Variants in SHANK2 observed in about 807,000 individuals in gnomAD.
The protein encoded by SHANK2 is SH3 and multiple ankyrin repeat domains 2.
A neutral mutation model predicts 133.7 loss-of-function variants in SHANK2; 43 were observed. The observed-to-expected ratio is 0.32, with a 90% CI of 0.25 to 0.41. The LOEUF (loss-of-function observed/expected upper bound fraction) is 0.41. SHANK2 is among the 10% of genes least tolerant of loss of function. The pLI is 1.00. For missense variants in SHANK2, 1,994 were observed against 2,235.8 expected (o/e 0.89, Z 2.18); for synonymous variants, 1,017 against 952.8 (o/e 1.07, Z -1.24).
intron 2 of SHANK2, among the ~76,000 whole-genome samples, chr11:71,183,220 T>G (rs374595289): frequency 5.6e-4 from 85 of 152,176 alleles, no homozygotes; most frequent in African/African-American, 2.0e-3. Flanking sequence ...AGGTAGCAAA[T>G]GTTCTCGTCC....
chr11:71,110,082 T>C, intron 5 of SHANK2, 33 bp from the exon 6 acceptor site: 1 of 1,442,770 alleles, frequency 6.9e-7, no homozygotes, highest in Non-Finnish European at 9.5e-7. Flanking sequence ...TGAAACATCT[T>C]TATAAGAAAT....
intron 10 of SHANK2, among the ~76,000 whole-genome samples, chr11:70,939,633 C>T (rs999190099): frequency 1.3e-5 from 2 of 152,122 alleles, no homozygotes; most frequent in Non-Finnish European, 2.9e-5. Context: ...GATTTGCTGA[C>T]CTGGGCCCTC....
rs782571628 is a variant in SHANK2, at chr11:70,830,616, C to T, written c.1175-9934G>A. 5.9e-5 allele frequency among the ~76,000 whole-genome samples: 9 copies of T among 152,186 alleles called. No individual in the cohort carries two copies. Among genetic ancestry groups the T allele is most frequent in the Admixed American group, 1.3e-4 (2 of 15,276 alleles). The stretch of plus-strand genomic sequence containing the variant: ...CTAAAACAAGTATTCCGAGGATGAC[C>T]GAGCGCTAGTGGTTGAGATGAAAAT... On this transcript the variant is annotated intron_variant, in intron 11 of 25. Transcript: ENST00000601538. This position sits in a 1 kb window ranked among gnomAD's most constrained non-coding sequence, Gnocchi z 4.4.
chr11:70,892,770 G>C (rs1345105700), intron 11 of SHANK2, among the ~76,000 whole-genome samples: 19 of 152,210 alleles, frequency 1.2e-4, no homozygotes, highest in East Asian at 7.7e-4. Context: ...CCCTGATGGG[G>C]GTCTTGGTAC....
intron 14 of SHANK2, among the ~76,000 whole-genome samples, chr11:70,769,572 C>A (rs1947201918): frequency 6.6e-6 from 1 of 150,906 alleles, no homozygotes; most frequent in Admixed American, 6.6e-5. Context: ...GGCAGGGGGG[C>A]TCTCTGAGCC....
At chr11:71,178,816 T>G (rs1472604174) in intron 2 of SHANK2, among the ~76,000 whole-genome samples, 1 of 152,032 alleles carries the variant, frequency 6.6e-6, no homozygotes, top group Non-Finnish European at 1.5e-5. Flanking sequence ...AAACACTGTC[T>G]CTACTAAAAA....
intron 2 of SHANK2, among the ~76,000 whole-genome samples, chr11:71,222,954 C>A (rs782173166): frequency 1.1e-4 from 17 of 152,248 alleles, no homozygotes; most frequent in Non-Finnish European, 1.9e-4. Flanking sequence ...GCCAAGACAG[C>A]CAGGGAAGGC....
chr11:71,098,616 A>T (rs922652648), intron 6 of SHANK2, among the ~76,000 whole-genome samples: 9 of 152,194 alleles, frequency 5.9e-5, no homozygotes, highest in African/African-American at 2.2e-4. Context: ...GTAGCTCCAG[A>T]CATGAGTGGA....
At chr11:71,077,101 G>A (rs895886830) in intron 8 of SHANK2, among the ~76,000 whole-genome samples, 5 of 152,092 alleles carry the variant, frequency 3.3e-5, no homozygotes, top group African/African-American at 7.2e-5. Context: ...TGGAATTTCC[G>A]GGACATAACA....
At position 71,113,237 on chromosome 11, in the gene SHANK2, T is replaced by C. The variant is rs930004503; in HGVS notation, c.483+56A>G. On this transcript the variant is annotated intron_variant, in intron 5 of 25. Coordinates refer to ENST00000601538, the MANE Select transcript of SHANK2 (RefSeq NM_012309.5). ...AGCGTCTAAAGATAACACAACAAGA[T>C]AACAAGGAGGACGCCGCCTGCCTAA... The C allele has an allele frequency of 1.6e-5, 23 of 1,446,160 alleles. No homozygotes were observed. The Admixed American group carries it at 2.4e-4, about 15-fold the overall frequency. The allele number at this position is 1,446,160 out of a possible 1,614,324, so 89.6% of individuals were successfully genotyped here. A position where few individuals can be genotyped will look rare whatever the true frequency, so the allele number is the denominator to read the frequency against.
intron 14 of SHANK2, among the ~76,000 whole-genome samples, chr11:70,767,584 C>T (rs1243752729): frequency 6.6e-6 from 1 of 151,896 alleles, no homozygotes; most frequent in Admixed American, 6.6e-5. Context: ...GAACATGGCA[C>T]TGAGTGAAGG....
chr11:70,740,218 G>A (rs186713417), intron 14 of SHANK2, among the ~76,000 whole-genome samples: 83 of 152,350 alleles, frequency 5.4e-4, no homozygotes, highest in African/African-American at 1.9e-3. Flanking sequence ...CTGGACACAG[G>A]AGGTGCTGAA....
chr11:70,506,100 T>G (rs1464006745), intron 17 of SHANK2, among the ~76,000 whole-genome samples: 3 of 152,180 alleles, frequency 2.0e-5, no homozygotes, highest in African/African-American at 7.2e-5. Context: ...GAAAGGCCTC[T>G]CGGGGAATGA....
At chr11:70,840,683 A>G (rs1555061426) in intron 11 of SHANK2, among the ~76,000 whole-genome samples, 1 of 152,176 alleles carries the variant, frequency 6.6e-6, no homozygotes, top group Non-Finnish European at 1.5e-5. Context: ...CTCAGCTATC[A>G]GGGCAGGGCT....
intron 12 of SHANK2, among the ~76,000 whole-genome samples, chr11:70,812,929 A>T (rs916507854): frequency 6.6e-6 from 1 of 151,952 alleles, no homozygotes; most frequent in Non-Finnish European, 1.5e-5. Context: ...GGTGACTTGG[A>T]TCAGTGAGTT....
intron 14 of SHANK2, among the ~76,000 whole-genome samples, chr11:70,792,138 A>G (rs1040010318): frequency 1.4e-4 from 22 of 151,826 alleles, no homozygotes; most frequent in African/African-American, 3.9e-4. Context: ...CAACTAACCA[A>G]TCAGTCAGTC....
chr11:70,623,562 A>G (rs1554998740), intron 17 of SHANK2, among the ~76,000 whole-genome samples: 2 of 152,198 alleles, frequency 1.3e-5, no homozygotes, highest in East Asian at 1.9e-4. Context: ...GAAGGAAGGA[A>G]GGAGAGAGGG....
intron 1 of SHANK2, chr11:71,240,897 G>C: frequency 6.6e-6 from 1 of 152,264 alleles, no homozygotes; most frequent in Non-Finnish European, 1.5e-5. Context: ...CTGAGTGGTC[G>C]ATGAACCGGA....
chr11:70,795,110 T>C (rs1165393719), intron 14 of SHANK2, among the ~76,000 whole-genome samples: 2 of 152,222 alleles, frequency 1.3e-5, no homozygotes, highest in African/African-American at 2.4e-5. Context: ...GATCTTGGTG[T>C]ACCTCCTTCC....
Sources: gnomAD v4.1 joint callset for allele counts (sites outside exome capture counted in the v4.1 genomes callset) on GRCh38, gnomAD v4.1.1 for gene constraint, Gnocchi (gnomAD v3.1) non-coding constraint, MANE v1.5 for transcripts, NCBI Gene and HGNC (gene_info 2026-07-23, HGNC 2026-07-21) for gene names.